The following CEP170 variants were observed in gnomAD, a reference collection of about 807,000 sequenced individuals.
The protein encoded by CEP170 is centrosomal protein 170, also known as centrosomal protein of 170 kDa.
In CEP170, 21 loss-of-function variants were observed where a neutral mutation model predicts 151.9. That is an observed-to-expected ratio of 0.14 (90% CI 0.10 to 0.20). The LOEUF is 0.20. Ranked by LOEUF, CEP170 falls within the 10% of genes least tolerant of loss-of-function variation. The pLI is 1.00. For synonymous variants in CEP170, 356 were observed against 648.8 expected (o/e 0.55, Z 6.86); for missense variants, 964 against 1,892.9 (o/e 0.51, Z 9.11).
intron 10 of CEP170, 90 bp from the exon 11 acceptor site, chr1:243,172,936 A>C: frequency 7.8e-7 from 1 of 1,279,674 alleles, no homozygotes; most frequent in East Asian, 2.9e-5. Flanking sequence ...AGAGGCAAAT[A>C]AAAATATTCC....
At chr1:243,139,435 T>A (rs1189849539) in intron 16 of CEP170, among the ~76,000 whole-genome samples, 1 of 152,136 alleles carries the variant, frequency 6.6e-6, no homozygotes. Context: ...AGGGAGTTTT[T>A]TATATATACT....
Position 243,173,066 on chromosome 1 carries a change from T to TC in CEP170, c.1567-221_1567-220insG, listed in dbSNP as rs1223195135. On this transcript the variant is annotated intron_variant, in intron 10 of 19. Transcript: ENST00000366542. ...ACAGCTTATGTGAAAGTAATTATCCTTTTTTTTTTTTGAGACGGAGTTTCA... is the reference window on the plus strand; with the variant it reads ...ACAGCTTATGTGAAAGTAATTATCCTCTTTTTTTTTTTGAGACGGAGTTTCA... 2.1e-5 allele frequency among the ~76,000 whole-genome samples: 3 copies of TC among 145,302 alleles called. No homozygotes were observed. In the East Asian group the frequency reaches 6.0e-4, roughly 29 times the overall value.
chr1:243,210,669 C>T (rs566158228), intron 4 of CEP170, among the ~76,000 whole-genome samples: 1 of 114,128 alleles, frequency 8.8e-6, no homozygotes, highest in South Asian at 3.1e-4. Flanking sequence ...GGCTACAGTG[C>T]AGTAGTGTGA....
chr1:243,249,509 G>A (rs1057074649), intron 1 of CEP170, among the ~76,000 whole-genome samples: 1 of 152,048 alleles, frequency 6.6e-6, no homozygotes, highest in Non-Finnish European at 1.5e-5. Flanking sequence ...TACTGGATTG[G>A]CAAAAGTGGT....
At chr1:243,135,134 A>T (rs1290451020) in intron 17 of CEP170, among the ~76,000 whole-genome samples, 2 of 152,330 alleles carry the variant, frequency 1.3e-5, no homozygotes, top group East Asian at 3.9e-4. Context: ...TTTTAACATA[A>T]GGAATTTTAA....
chr1:243,137,091 G>A (rs1471983400), intron 16 of CEP170, among the ~76,000 whole-genome samples: 1 of 152,240 alleles, frequency 6.6e-6, no homozygotes, highest in East Asian at 1.9e-4. Context: ...CAGAGTGAAA[G>A]CAGCCATAAA....
At chr1:243,163,452 A>G (rs1326717151) in intron 13 of CEP170, 8 of 152,262 alleles carry the variant, frequency 5.3e-5, no homozygotes, top group African/African-American at 1.9e-4. Context: ...ATGTATCTCA[A>G]TGGCCTCAGC....
chr1:243,202,152 C>G (rs1440236269), intron 4 of CEP170, among the ~76,000 whole-genome samples: 1 of 152,066 alleles, frequency 6.6e-6, no homozygotes, highest in Non-Finnish European at 1.5e-5. Flanking sequence ...TTTGCAGCAA[C>G]TTGTATGGAA....
intron 16 of CEP170, among the ~76,000 whole-genome samples, chr1:243,138,880 A>G (rs2055456543): frequency 2.0e-5 from 3 of 152,230 alleles, no homozygotes; most frequent in Admixed American, 2.0e-4. Context: ...TTTAGGAGAT[A>G]GTGTCAAACT....
intron 17 of CEP170, 105 bp from the exon 18 acceptor site, chr1:243,129,558 A>G: frequency 2.2e-6 from 2 of 917,078 alleles, no homozygotes; most frequent in East Asian, 2.9e-5. Context: ...GTACACAAAG[A>G]AAAAAAACCA....
chr1:243,224,683 A>T (rs1464825195), intron 2 of CEP170, among the ~76,000 whole-genome samples: 2 of 152,170 alleles, frequency 1.3e-5, no homozygotes, highest in East Asian at 3.9e-4. Flanking sequence ...AACTTACAGT[A>T]ACTTTTATAC....
At chr1:243,254,769 C>T (rs1439732901) in intron 1 of CEP170, among the ~76,000 whole-genome samples, 3 of 148,442 alleles carry the variant, frequency 2.0e-5, no homozygotes, top group African/African-American at 5.0e-5. Flanking sequence ...AGCCGGGGGG[C>T]CGCAGGACTG....
chr1:243,181,485 C>T (rs572063963), intron 10 of CEP170, among the ~76,000 whole-genome samples: 21 of 152,088 alleles, frequency 1.4e-4, no homozygotes, highest in Admixed American at 3.9e-4. Flanking sequence ...CATAACTTGG[C>T]GACAGAAAAA....
chr1:243,128,048 T>C (rs1234711814), intron 19 of CEP170, among the ~76,000 whole-genome samples: 1 of 152,222 alleles, frequency 6.6e-6, no homozygotes, highest in East Asian at 1.9e-4. Context: ...GCCCAACATA[T>C]ATCTTTATTA....
intron 10 of CEP170, among the ~76,000 whole-genome samples, chr1:243,176,315 G>A (rs1405942246): frequency 2.0e-5 from 3 of 152,120 alleles, no homozygotes; most frequent in Non-Finnish European, 4.4e-5. Flanking sequence ...TTCCAGAGTA[G>A]GATCAAAGGA....
At chr1:243,237,127 T>C (rs2149100085) in intron 1 of CEP170, among the ~76,000 whole-genome samples, 1 of 152,324 alleles carries the variant, frequency 6.6e-6, no homozygotes, top group South Asian at 2.1e-4. Flanking sequence ...ATTTAGTGAA[T>C]ATATCACTAA....
chr1:243,185,139 A>G lies in CEP170; in HGVS notation c.1566+640T>C, dbSNP rs970993393. Among the ~76,000 whole-genome samples the G allele has an allele frequency of 2.6e-5, 4 of 152,196 alleles. No homozygotes were observed. The highest frequency in any genetic ancestry group is 7.2e-5 in the African/African-American group (3 of 41,452). On this transcript the variant is annotated intron_variant, in intron 10 of 19. Coordinates refer to ENST00000366542, the MANE Select transcript of CEP170 (RefSeq NM_014812.3). This position sits in a 1 kb window ranked among gnomAD's most constrained non-coding sequence, Gnocchi z 4.9. ...AAATTGCTTTTTAAACCATGCAACA[A>G]TCCTTACACACGCTAACCAATAATA...
chr1:243,221,076 G>A (rs146730551), intron 3 of CEP170, among the ~76,000 whole-genome samples: 1 of 152,082 alleles, frequency 6.6e-6, no homozygotes, highest in African/African-American at 2.4e-5. Context: ...CCAGGCTGGA[G>A]TGCAGTGGCG....
At chr1:243,201,166 A>C (rs1467612630) in intron 4 of CEP170, among the ~76,000 whole-genome samples, 1 of 152,108 alleles carries the variant, frequency 6.6e-6, no homozygotes, top group African/African-American at 2.4e-5. Flanking sequence ...AAGTACATGC[A>C]TCAAATTATA....
Sources: gnomAD v4.1 joint callset for allele counts (sites outside exome capture counted in the v4.1 genomes callset) on GRCh38, gnomAD v4.1.1 for gene constraint, Gnocchi (gnomAD v3.1) non-coding constraint, MANE v1.5 for transcripts, NCBI Gene and HGNC (gene_info 2026-07-23, HGNC 2026-07-21) for gene names.